SYN2: variants seen among roughly 807,000 people sequenced by gnomAD.
SYN2 encodes the protein synapsin-2.
In SYN2, 19 loss-of-function variants were observed where a neutral mutation model predicts 50.9. The observed-to-expected ratio is 0.37, with a 90% CI of 0.26 to 0.55. SYN2 has a LOEUF of 0.55. SYN2 is among the 20% of genes least tolerant of loss of function. The pLI, the probability that SYN2 is intolerant of heterozygous loss-of-function variation, is 0.81. For synonymous variants in SYN2, 255 were observed against 224.9 expected (o/e 1.13, Z -1.20); for missense variants, 587 against 576.4 (o/e 1.02, Z -0.19).
At chr3:12,082,045 A>G (rs1342981089) in intron 1 of SYN2, among the ~76,000 whole-genome samples, 2 of 152,318 alleles carry the variant, frequency 1.3e-5, no homozygotes, top group East Asian at 3.9e-4. Flanking sequence ...CACTAGGGGA[A>G]CACCCAGGGC....
At position 12,121,649 on chromosome 3, in the gene SYN2, GGGAAGGGAAGGAGAAA is replaced by G. The variant is rs545897178; in HGVS notation, c.378-18974_378-18959del. 3.8e-3 allele frequency among the ~76,000 whole-genome samples: 570 copies of G among 150,282 alleles called. 3 individuals are homozygous for G. The highest frequency in any genetic ancestry group is 6.7e-3 in the African/African-American group (272 of 40,538). On this transcript the variant is annotated intron_variant, in intron 1 of 12. Transcript: ENST00000621198. ...AGGAAAGAAAGAAAGGGAAGGTAAG[GGGAAGGGAAGGAGAAA>G]GGAAGGGAAGGAGAAAGGAAGGGAA...
intron 1 of SYN2, among the ~76,000 whole-genome samples, chr3:12,096,849 C>G (rs750373759): frequency 3.3e-5 from 5 of 151,938 alleles, no homozygotes; most frequent in Non-Finnish European, 5.9e-5. Flanking sequence ...TGAGATTATA[C>G]AATCTGGGGA....
chr3:12,089,872 C>T (rs1451805241), intron 1 of SYN2, among the ~76,000 whole-genome samples: 1 of 152,060 alleles, frequency 6.6e-6, no homozygotes, highest in Admixed American at 6.6e-5. Context: ...GAGCTGGATT[C>T]AAGACTATTG....
At chr3:12,027,316 C>A (rs1396529316) in intron 1 of SYN2, among the ~76,000 whole-genome samples, 1 of 152,174 alleles carries the variant, frequency 6.6e-6, no homozygotes, top group Non-Finnish European at 1.5e-5. Flanking sequence ...CACCCATCTC[C>A]CTGCCTAGAG....
At chr3:12,012,173 T>C (rs902956841) in intron 1 of SYN2, among the ~76,000 whole-genome samples, 2 of 152,004 alleles carry the variant, frequency 1.3e-5, no homozygotes, top group Non-Finnish European at 2.9e-5. Context: ...TTTTTTTTTT[T>C]AATGACAAAA....
At chr3:12,089,252 A>G (rs561980444) in intron 1 of SYN2, among the ~76,000 whole-genome samples, 1 of 152,334 alleles carries the variant, frequency 6.6e-6, no homozygotes, top group African/African-American at 2.4e-5. Flanking sequence ...TGGAAGGCAA[A>G]GGAGGAGCAA....
chr3:12,151,798 G>A (rs748701169), intron 5 of SYN2, among the ~76,000 whole-genome samples: 9 of 152,168 alleles, frequency 5.9e-5, no homozygotes, highest in Non-Finnish European at 1.0e-4. Context: ...TAGATGTAAG[G>A]CATTGCTCCT....
At chr3:12,041,238 G>A (rs181736443) in intron 1 of SYN2, among the ~76,000 whole-genome samples, 7 of 152,282 alleles carry the variant, frequency 4.6e-5, no homozygotes, top group Non-Finnish European at 8.8e-5. Context: ...CCTTCCCAGA[G>A]GAAGAGCTGT....
chr3:12,164,838 A>G (rs759997143), intron 7 of SYN2, among the ~76,000 whole-genome samples: 9 of 152,178 alleles, frequency 5.9e-5, no homozygotes, highest in African/African-American at 1.2e-4. Flanking sequence ...TTTCCACTCA[A>G]AAAGGATTTT....
At chr3:12,128,118 A>G (rs1696712306) in intron 1 of SYN2, among the ~76,000 whole-genome samples, 1 of 151,732 alleles carries the variant, frequency 6.6e-6, no homozygotes, top group South Asian at 2.1e-4. Context: ...CTAATTTTTT[A>G]TTTTTTTGTA....
In SYN2 at chr3:12,070,585, A is replaced by G. The variant is rs923207768; in HGVS notation, c.377+65657A>G. On this transcript the variant is annotated intron_variant, in intron 1 of 12. Transcript: ENST00000621198. ...CTTGTGAACCCCAAGGCCAACAGAG[A>G]GAAGATGACCCAGATCATGTTTGAG... 3 of 1,351,374 alleles carry G rather than the reference A, an allele frequency of 2.2e-6. No individual in the cohort carries two copies. The Admixed American group carries it at 5.4e-5, about 24-fold the overall frequency. The allele number at this position is 1,351,374 out of a possible 1,614,324, so 83.7% of individuals were successfully genotyped here.
intron 1 of SYN2, among the ~76,000 whole-genome samples, chr3:12,123,465 C>T (rs1376898560): frequency 1.3e-5 from 2 of 152,144 alleles, no homozygotes; most frequent in Non-Finnish European, 2.9e-5. Context: ...TTAGTTAAGC[C>T]TTTATTCAAG....
intron 5 of SYN2, among the ~76,000 whole-genome samples, chr3:12,155,662 G>A (rs1460634883): frequency 6.6e-6 from 1 of 152,208 alleles, no homozygotes; most frequent in East Asian, 1.9e-4. Context: ...GCCTTCTCCT[G>A]TAGGACCTGG....
chr3:12,152,543 A>C (rs1697328857), intron 5 of SYN2, among the ~76,000 whole-genome samples: 1 of 152,080 alleles, frequency 6.6e-6, no homozygotes, highest in Admixed American at 6.5e-5. Context: ...CTGGAAAAAA[A>C]CTGCCTTAAT....
At chr3:12,170,992 G>T (rs1697924707) in intron 10 of SYN2, among the ~76,000 whole-genome samples, 1 of 152,144 alleles carries the variant, frequency 6.6e-6, no homozygotes, top group East Asian at 1.9e-4. Context: ...GAGACCTTTT[G>T]TGCTCTGAAA....
At chr3:12,018,378 A>G (rs1242790950) in intron 1 of SYN2, among the ~76,000 whole-genome samples, 2 of 152,166 alleles carry the variant, frequency 1.3e-5, no homozygotes, top group African/African-American at 4.8e-5. Context: ...AAGTTTGGAT[A>G]AGCAGCGTGA....
chr3:12,092,129 A>G (rs1242518469), intron 1 of SYN2, among the ~76,000 whole-genome samples: 1 of 152,152 alleles, frequency 6.6e-6, no homozygotes, highest in Non-Finnish European at 1.5e-5. Context: ...CTCTTCTTGC[A>G]CATTTAAGGC....
chr3:12,065,068 A>G (rs1295186925), intron 1 of SYN2, among the ~76,000 whole-genome samples: 1 of 152,180 alleles, frequency 6.6e-6, no homozygotes, highest in Non-Finnish European at 1.5e-5. Context: ...ATGCTACAAC[A>G]TGGATGCACC....
chr3:12,180,411 G>T (rs1312628193), intron 10 of SYN2, among the ~76,000 whole-genome samples: 1 of 152,240 alleles, frequency 6.6e-6, no homozygotes, highest in Non-Finnish European at 1.5e-5. Context: ...CTGTGGGCTG[G>T]CTCCAGGCCA....
Sources: gnomAD v4.1 joint callset for allele counts (sites outside exome capture counted in the v4.1 genomes callset) on GRCh38, gnomAD v4.1.1 for gene constraint, MANE v1.5 for transcripts, NCBI Gene and HGNC (gene_info 2026-07-23, HGNC 2026-07-21) for gene names.